The following TBXAS1 variants were observed in gnomAD, a reference collection of about 807,000 sequenced individuals.
TBXAS1 encodes thromboxane A synthase 1.
TBXAS1 carries 48 observed loss-of-function variants against 60.7 expected under a neutral mutation model. The ratio of observed to expected loss-of-function variants is 0.79; its 90% CI spans 0.63 to 1.01. The LOEUF (loss-of-function observed/expected upper bound fraction) is 1.01. Ranked by LOEUF, TBXAS1 falls within the 50% of genes least tolerant of loss-of-function variation. The pLI is 0.00. For missense variants in TBXAS1, 685 were observed against 686.3 expected (o/e 1.00, Z 0.02); for synonymous variants, 287 against 269.7 (o/e 1.06, Z -0.63).
chr7:139,890,241 A>G (rs1584777383), intron 3 of TBXAS1, among the ~76,000 whole-genome samples: 1 of 105,026 alleles, frequency 9.5e-6, no homozygotes, highest in African/African-American at 3.7e-5. Flanking sequence ...TTTGAGACAG[A>G]GTCTCGTTTT....
intron 5 of TBXAS1, among the ~76,000 whole-genome samples, chr7:139,940,699 A>G (rs1453074015): frequency 1.3e-5 from 2 of 152,074 alleles, no homozygotes; most frequent in African/African-American, 4.8e-5. Flanking sequence ...TGTTTATTGT[A>G]TGTCCCCTTC....
intron 4 of TBXAS1, among the ~76,000 whole-genome samples, chr7:139,810,180 G>T (rs139981743): frequency 0.014 from 2,198 of 152,106 alleles, 50 homozygotes; most frequent in African/African-American, 0.05. Flanking sequence ...AGGATTACAG[G>T]CATGAGCCAC....
At chr7:139,844,572 G>C (rs192989688) in intron 1 of TBXAS1, among the ~76,000 whole-genome samples, 1 of 152,230 alleles carries the variant, frequency 6.6e-6, no homozygotes, top group East Asian at 1.9e-4. Flanking sequence ...CCACCATCGC[G>C]TTGTCAATAA....
intron 4 of TBXAS1, among the ~76,000 whole-genome samples, chr7:139,801,282 A>T (rs367994010): frequency 2.0e-5 from 3 of 152,278 alleles, no homozygotes; most frequent in African/African-American, 7.2e-5. Context: ...GTTTTTTATT[A>T]ATTTGGGCTA....
intron 11 of TBXAS1, among the ~76,000 whole-genome samples, chr7:140,017,323 G>A (rs985293122): frequency 6.6e-6 from 1 of 152,134 alleles, no homozygotes; most frequent in African/African-American, 2.4e-5. Flanking sequence ...CCCAGGTGAG[G>A]GTGATCACCA....
chr7:139,870,881 G>C (rs1276114700), intron 1 of TBXAS1, among the ~76,000 whole-genome samples: 1 of 152,146 alleles, frequency 6.6e-6, no homozygotes, highest in African/African-American at 2.4e-5. Context: ...TTGAGGCCAG[G>C]AGTTAAGACC....
At chr7:139,860,761 C>T (rs1018354708) in intron 1 of TBXAS1, among the ~76,000 whole-genome samples, 9 of 152,228 alleles carry the variant, frequency 5.9e-5, no homozygotes, top group African/African-American at 2.2e-4. Flanking sequence ...TTTTGGACTT[C>T]TGGCCTCCAG....
chr7:139,826,435 A>T (rs570909302), upstream of TBXAS1, among the ~76,000 whole-genome samples: 51 of 152,334 alleles, frequency 3.3e-4, no homozygotes, highest in South Asian at 0.011. Context: ...AATAATTTTC[A>T]TAATACGTCT....
At chr7:139,974,990 G>T (rs1343132570) in intron 9 of TBXAS1, among the ~76,000 whole-genome samples, 1 of 152,196 alleles carries the variant, frequency 6.6e-6, no homozygotes, top group African/African-American at 2.4e-5. Flanking sequence ...TTCAGGAATT[G>T]GCTCATGTAA....
chr7:139,953,328 G>T (rs369902223), intron 5 of TBXAS1, 40 bp from the exon 6 acceptor site: 1 of 1,564,444 alleles, frequency 6.4e-7, no homozygotes, highest in South Asian at 1.1e-5. Context: ...GTGTACTCCC[G>T]GCATGGTGCC....
At chr7:139,833,967 G>T (rs911854438) in intron 1 of TBXAS1, among the ~76,000 whole-genome samples, 1 of 152,046 alleles carries the variant, frequency 6.6e-6, no homozygotes, top group African/African-American at 2.4e-5. Flanking sequence ...GGACCTAACA[G>T]ATATATACAG....
intron 9 of TBXAS1, among the ~76,000 whole-genome samples, chr7:139,969,026 T>G (rs1811002366): frequency 6.6e-6 from 1 of 152,232 alleles, no homozygotes; most frequent in Admixed American, 6.5e-5. Flanking sequence ...TATGTTGAAA[T>G]TATTGACTTT....
At chr7:139,782,956 A>C (rs755834726) in intron 3 of TBXAS1, among the ~76,000 whole-genome samples, 7 of 152,194 alleles carry the variant, frequency 4.6e-5, no homozygotes, top group Non-Finnish European at 1.0e-4. Context: ...ATTCTTAAGA[A>C]ATTACCTTGT....
intron 11 of TBXAS1, among the ~76,000 whole-genome samples, chr7:140,017,466 G>T (rs561805954): frequency 6.6e-6 from 1 of 152,186 alleles, no homozygotes; most frequent in Non-Finnish European, 1.5e-5. Context: ...GTGATTCTGC[G>T]AATTCAGCTC....
Position 140,019,886 on chromosome 7 carries a change from A to G in TBXAS1, c.1528-139A>G. The G allele has an allele frequency of 5.2e-6, 4 of 775,922 alleles. No homozygotes were observed. In the South Asian group the frequency reaches 6.0e-5, roughly 12 times the overall value. 48.1% of individuals were successfully genotyped at this position (775,922 alleles called of 1,614,324 possible). The stretch of plus-strand genomic sequence containing the variant: ...GGGACGGCTGGAGTCACTGAAAGAT[A>G]GGTTTGGGGCTTTGCTCTCTGCTTT... On this transcript the variant is annotated intron_variant, in intron 12 of 12. Transcript: ENST00000448866.
At chr7:139,905,662 T>C (rs912360688) in intron 3 of TBXAS1, among the ~76,000 whole-genome samples, 1 of 152,214 alleles carries the variant, frequency 6.6e-6, no homozygotes, top group African/African-American at 2.4e-5. Flanking sequence ...CTTCTTTCTC[T>C]ATCTTGTGGA....
intron 3 of TBXAS1, among the ~76,000 whole-genome samples, chr7:139,877,331 G>T (rs944092377): frequency 3.9e-5 from 6 of 152,168 alleles, no homozygotes; most frequent in African/African-American, 1.4e-4. Context: ...AAGCGTGATA[G>T]GTGCTCGATA....
intron 4 of TBXAS1, among the ~76,000 whole-genome samples, chr7:139,818,040 T>A (rs1238928453): frequency 1.3e-5 from 2 of 152,206 alleles, no homozygotes; most frequent in Non-Finnish European, 2.9e-5. Flanking sequence ...TCCCAGTCAC[T>A]GGGGATACAT....
intron 3 of TBXAS1, among the ~76,000 whole-genome samples, chr7:139,905,062 TC>T (rs1164698131): frequency 7.8e-6 from 1 of 128,912 alleles, no homozygotes; most frequent in Non-Finnish European, 1.6e-5. Flanking sequence ...TTTCTTTCTC[TC>T]TCTCTCTCTC....
Sources: allele counts gnomAD v4.1 joint callset (sites outside exome capture counted in the v4.1 genomes callset), GRCh38; gene constraint gnomAD v4.1.1; transcripts MANE v1.5; gene names NCBI Gene and HGNC (gene_info 2026-07-23, HGNC 2026-07-21).